GABRA3: variants seen among roughly 807,000 people sequenced by gnomAD.
GABRA3 encodes the protein gamma-aminobutyric acid type A receptor subunit alpha3.
Under a neutral mutation model 30.1 loss-of-function variants are expected in GABRA3, and 10 were observed. The observed-to-expected ratio is 0.33, with a 90% CI of 0.20 to 0.56. The LOEUF (loss-of-function observed/expected upper bound fraction) is 0.56, where lower values mean the gene tolerates loss of function less well. Among genes scored for constraint, GABRA3 ranks in the 20% least tolerant of loss-of-function variants. The pLI is 0.89. For missense variants in GABRA3, 233 were observed against 392.0 expected (o/e 0.59, Z 3.42); for synonymous variants, 151 against 146.8 (o/e 1.03, Z -0.21).
intron 1 of GABRA3, among the ~76,000 whole-genome samples, chrX:152,401,287 T>TATACAC (rs1302426704): frequency 4.0e-5 from 4 of 100,227 alleles, no homozygotes; most frequent in Admixed American, 1.1e-4. Flanking sequence ...TATATATATA[T>TATACAC]ACACACACAC....
chrX:152,282,451 T>C (rs1367614794), intron 4 of GABRA3, among the ~76,000 whole-genome samples: 1 of 111,850 alleles, frequency 8.9e-6, no homozygotes, highest in Non-Finnish European at 1.9e-5. Flanking sequence ...ACCCGAAATA[T>C]GCTTTTTAGC....
chrX:152,428,475 A>G (rs1930567486), intron 1 of GABRA3, among the ~76,000 whole-genome samples: 1 of 112,301 alleles, frequency 8.9e-6, no homozygotes, highest in Admixed American at 9.5e-5. Context: ...AGTTCAGGCA[A>G]CCTGCCTTTA....
intron 2 of GABRA3, among the ~76,000 whole-genome samples, chrX:152,361,897 T>C (rs1013072295): frequency 5.1e-4 from 57 of 112,441 alleles, no homozygotes; most frequent in African/African-American, 1.8e-3. Flanking sequence ...AACTATATTA[T>C]CAGAGTTAAA....
intron 6 of GABRA3, among the ~76,000 whole-genome samples, chrX:152,222,943 G>T (rs1937870974): frequency 9.1e-6 from 1 of 110,209 alleles, no homozygotes; most frequent in African/African-American, 3.3e-5. Flanking sequence ...TTGTCCTCAT[G>T]CTCTGTGCAA....
At chrX:152,202,027 C>A (rs1394812684) in intron 7 of GABRA3, among the ~76,000 whole-genome samples, 1 of 112,020 alleles carries the variant, frequency 8.9e-6, no homozygotes, top group African/African-American at 3.2e-5. Context: ...TGTAATAATT[C>A]GCCAAATTAG....
intron 1 of GABRA3, among the ~76,000 whole-genome samples, chrX:152,375,290 T>A (rs1277773386): frequency 9.2e-6 from 1 of 109,127 alleles, no homozygotes; most frequent in Non-Finnish European, 1.9e-5. Flanking sequence ...AGTATTTCAC[T>A]GTTTGTGTAG....
chrX:152,238,868 T>C (rs1021418350), intron 5 of GABRA3, among the ~76,000 whole-genome samples: 1 of 110,983 alleles, frequency 9.0e-6, no homozygotes, highest in African/African-American at 3.3e-5. Context: ...ATTGTGTCTA[T>C]TTGATTCTTC....
chrX:152,312,720 C>T (rs1939816966), intron 3 of GABRA3, among the ~76,000 whole-genome samples: 1 of 111,699 alleles, frequency 9.0e-6, no homozygotes, highest in South Asian at 3.8e-4. Flanking sequence ...AAAATAATCA[C>T]AAACTACACA....
intron 5 of GABRA3, among the ~76,000 whole-genome samples, chrX:152,232,630 T>C (rs931453472): frequency 9.2e-6 from 1 of 108,671 alleles, no homozygotes; most frequent in African/African-American, 3.3e-5. Flanking sequence ...CTATTGTGTG[T>C]GTGTGTGTGT....
intron 1 of GABRA3, among the ~76,000 whole-genome samples, chrX:152,418,026 A>T (rs183820874): frequency 4.5e-5 from 5 of 110,147 alleles, no homozygotes; most frequent in African/African-American, 1.6e-4. Context: ...AATGTATAAT[A>T]AAAAAAAGAA....
At chrX:152,183,919 G>A (rs1469006111) in intron 9 of GABRA3, among the ~76,000 whole-genome samples, 1 of 110,827 alleles carries the variant, frequency 9.0e-6, no homozygotes, top group Non-Finnish European at 1.9e-5. Context: ...AAAGATACTC[G>A]ATATAATTTT....
chrX:152,351,306 G>A (rs1940475374), intron 2 of GABRA3, among the ~76,000 whole-genome samples: 2 of 112,041 alleles, frequency 1.8e-5, no homozygotes, highest in South Asian at 7.3e-4. Context: ...ACCAAAATCT[G>A]TTGTTCATGT....
At chrX:152,396,336 G>A (rs1174717107) in intron 1 of GABRA3, among the ~76,000 whole-genome samples, 1 of 111,974 alleles carries the variant, frequency 8.9e-6, no homozygotes, top group African/African-American at 3.2e-5. Flanking sequence ...CCAGAACTGT[G>A]AGAAAAACAT....
In GABRA3 at chrX:152,380,733, CTCT is replaced by C. The variant is rs772210992; in HGVS notation, c.-26-16140_-26-16138del. On this transcript the variant is annotated intron_variant, in intron 1 of 9. Coordinates refer to ENST00000370314, the MANE Select transcript of GABRA3 (RefSeq NM_000808.4). ...CAACAATGTACAAGAGTTCCCTTTT[CTCT>C]GTATTAATGCCGGCACTTATCTTTC... Among the ~76,000 whole-genome samples the C allele has an allele frequency of 4.5e-5, 5 of 111,943 alleles. No individual in the cohort carries two copies. The East Asian group carries it at 1.4e-3, about 31-fold the overall frequency.
intron 1 of GABRA3, among the ~76,000 whole-genome samples, chrX:152,367,037 C>T (rs916904090): frequency 1.8e-5 from 2 of 110,589 alleles, no homozygotes; most frequent in African/African-American, 3.3e-5. Flanking sequence ...TTGTAGTGTA[C>T]GAACACACAA....
chrX:152,244,182 G>A (rs1938425918), intron 5 of GABRA3, among the ~76,000 whole-genome samples: 1 of 112,142 alleles, frequency 8.9e-6, no homozygotes, highest in African/African-American at 3.2e-5. Flanking sequence ...CCACATGTAA[G>A]TCATTTGCTT....
intron 3 of GABRA3, among the ~76,000 whole-genome samples, chrX:152,339,407 C>T (rs752347675): frequency 9.1e-6 from 1 of 109,979 alleles, no homozygotes; most frequent in African/African-American, 3.3e-5. Context: ...TTAGTAGAGA[C>T]GGGGTTTCAC....
Position 152,228,625 on chromosome X carries a change from G to A in GABRA3, c.552-3780C>T, listed in dbSNP as rs190362943. On this transcript the variant is annotated intron_variant, in intron 5 of 9. Transcript: ENST00000370314. ...ATCTTTTCAGTATCCAACACAAGGA[G>A]CATGTTTTTCAGTGAAATACGTTTC... Among the ~76,000 whole-genome samples, 324 of 111,675 alleles carry A rather than the reference G, an allele frequency of 2.9e-3. 3 individuals carry two copies. The highest frequency in any genetic ancestry group is 2.1e-3 in the Non-Finnish European group (110 of 53,043).
chrX:152,235,722 T>C (rs1011346503), intron 5 of GABRA3, among the ~76,000 whole-genome samples: 1 of 111,475 alleles, frequency 9.0e-6, no homozygotes, highest in Non-Finnish European at 1.9e-5. Context: ...CACAAATAAA[T>C]TGAAAATCAT....
Sources: allele counts gnomAD v4.1 joint callset (sites outside exome capture counted in the v4.1 genomes callset), GRCh38; gene constraint gnomAD v4.1.1; transcripts MANE v1.5; gene names NCBI Gene and HGNC (gene_info 2026-07-23, HGNC 2026-07-21).